The following ADAMTS12 variants were observed in gnomAD, a reference collection of about 807,000 sequenced individuals.
The protein encoded by ADAMTS12 is ADAM metallopeptidase with thrombospondin type 1 motif 12.
ADAMTS12 carries 118 observed loss-of-function variants against 167.8 expected under a neutral mutation model. The ratio of observed to expected loss-of-function variants is 0.70; its 90% CI spans 0.61 to 0.82. The LOEUF (loss-of-function observed/expected upper bound fraction) is 0.82. ADAMTS12 is among the 40% of genes least tolerant of loss of function. The pLI, the probability that ADAMTS12 is intolerant of heterozygous loss-of-function variation, is 0.00. For synonymous variants in ADAMTS12, 704 were observed against 716.9 expected (o/e 0.98, Z 0.29); for missense variants, 1,916 against 1,998.8 (o/e 0.96, Z 0.79).
intron 14 of ADAMTS12, among the ~76,000 whole-genome samples, chr5:33,616,805 A>G (rs1423497196): frequency 2.0e-5 from 3 of 152,236 alleles, no homozygotes; most frequent in East Asian, 1.9e-4. Flanking sequence ...AAAGATAACA[A>G]TCAACTCCAG....
Position 33,753,333 on chromosome 5 carries a change from G to C in ADAMTS12, c.490-1785C>G, listed in dbSNP as rs192491929. On this transcript the variant is annotated intron_variant, in intron 2 of 23. Transcript: ENST00000504830. ...GTCTCTAAGGACAATCTCTGGAACA[G>C]GAAGGAAGAACGGACAAGGCCCAAA... 2.0e-5 allele frequency among the ~76,000 whole-genome samples: 3 copies of C among 152,326 alleles called. No individual in the cohort carries two copies. In the East Asian group the frequency reaches 5.8e-4, roughly 29 times the overall value.
At chr5:33,563,468 C>A (rs572517095) in intron 19 of ADAMTS12, among the ~76,000 whole-genome samples, 2 of 152,276 alleles carry the variant, frequency 1.3e-5, no homozygotes, top group African/African-American at 4.8e-5. Flanking sequence ...GGCTGGCCTG[C>A]TGGAGGATGA....
intron 17 of ADAMTS12, 94 bp from the exon 18 acceptor site, chr5:33,588,903 C>A (rs1460004223): frequency 3.8e-5 from 56 of 1,456,104 alleles, no homozygotes; most frequent in Non-Finnish European, 4.9e-5. Flanking sequence ...ATGCAGATCA[C>A]AGGGCTGGAA....
At chr5:33,756,534 G>C (rs545124777) in intron 2 of ADAMTS12, among the ~76,000 whole-genome samples, 25 of 152,270 alleles carry the variant, frequency 1.6e-4, no homozygotes, top group Non-Finnish European at 2.6e-4. Context: ...GAAAGTATAA[G>C]TCAAGAGATT....
intron 13 of ADAMTS12, among the ~76,000 whole-genome samples, chr5:33,626,288 A>C (rs916815416): frequency 6.8e-6 from 1 of 147,242 alleles, no homozygotes; most frequent in South Asian, 2.2e-4. Context: ...GGTGGTGGTG[A>C]CAGTGATGGT....
intron 18 of ADAMTS12, among the ~76,000 whole-genome samples, chr5:33,581,752 T>G (rs1747075569): frequency 6.6e-6 from 1 of 152,180 alleles, no homozygotes; most frequent in South Asian, 2.1e-4. Flanking sequence ...ATCTCAGAAT[T>G]TGACCTTATT....
intron 3 of ADAMTS12, among the ~76,000 whole-genome samples, chr5:33,694,858 A>G (rs1407159851): frequency 2.0e-5 from 3 of 152,234 alleles, no homozygotes; most frequent in African/African-American, 2.4e-5. Flanking sequence ...TAAGAAAAGT[A>G]TTAACATTAA....
chr5:33,856,874 A>T (rs1382543785), intron 2 of ADAMTS12, among the ~76,000 whole-genome samples: 1 of 152,214 alleles, frequency 6.6e-6, no homozygotes, highest in African/African-American at 2.4e-5. Context: ...AAATTACCAT[A>T]TGATTCAGCA....
In ADAMTS12 at chr5:33,876,204, G is replaced by A. The variant is rs114045095; in HGVS notation, c.489+4915C>T. ...TTCATGGATCACAAGACTTGACATA[G>A]CAAAGATGTCAATTCTTCCCAAACT... is the stretch of plus-strand genomic sequence containing the variant. On this transcript the variant is annotated intron_variant, in intron 2 of 23. Transcript: ENST00000504830. Among the ~76,000 whole-genome samples the A allele has an allele frequency of 2.4e-3, 363 of 152,212 alleles. 3 individuals carry two copies. The highest frequency in any genetic ancestry group is 4.2e-3 in the Non-Finnish European group (287 of 67,988).
In ADAMTS12 at chr5:33,866,227, A is replaced by G. The variant is rs1051165482; in HGVS notation, c.489+14892T>C. On this transcript the variant is annotated intron_variant, in intron 2 of 23. Coordinates refer to ENST00000504830, the MANE Select transcript of ADAMTS12 (RefSeq NM_030955.4). ...GCTATAGATACAAAAAGAGCATGGT[A>G]CTGTTATAAAAATAGATACATAGGC... 5.9e-5 allele frequency among the ~76,000 whole-genome samples: 9 copies of G among 152,312 alleles called. No homozygotes were observed. The South Asian group carries it at 1.7e-3, about 28-fold the overall frequency.
At chr5:33,890,791 T>G (rs1448038618) in intron 1 of ADAMTS12, among the ~76,000 whole-genome samples, 2 of 152,180 alleles carry the variant, frequency 1.3e-5, no homozygotes, top group African/African-American at 4.8e-5. Context: ...CTACCTGAGC[T>G]GAAAACTCTG....
At chr5:33,742,716 C>T (rs2112374710) in intron 3 of ADAMTS12, among the ~76,000 whole-genome samples, 1 of 152,336 alleles carries the variant, frequency 6.6e-6, no homozygotes, top group Middle Eastern at 3.4e-3. Flanking sequence ...CCAAGTTCAA[C>T]AGGATAATCA....
chr5:33,666,474 C>T (rs1741471877), intron 5 of ADAMTS12, among the ~76,000 whole-genome samples: 1 of 151,506 alleles, frequency 6.6e-6, no homozygotes, highest in Non-Finnish European at 1.5e-5. Flanking sequence ...AACACACATT[C>T]AGGTGTATCT....
chr5:33,798,980 G>C (rs1439268220), intron 2 of ADAMTS12, among the ~76,000 whole-genome samples: 1 of 152,132 alleles, frequency 6.6e-6, no homozygotes, highest in East Asian at 1.9e-4. Context: ...GAGACATGAA[G>C]AAAGACAATA....
intron 2 of ADAMTS12, among the ~76,000 whole-genome samples, chr5:33,786,778 A>G (rs1474345761): frequency 6.6e-6 from 1 of 152,126 alleles, no homozygotes; most frequent in Non-Finnish European, 1.5e-5. Flanking sequence ...TCTACGAAAA[A>G]CTATTTTCTG....
chr5:33,866,940 A>T (rs1458955100), intron 2 of ADAMTS12, among the ~76,000 whole-genome samples: 1 of 152,050 alleles, frequency 6.6e-6, no homozygotes, highest in African/African-American at 2.4e-5. Flanking sequence ...TAAAAAAAAA[A>T]TAAATAAATA....
At chr5:33,711,136 C>T (rs1743388754) in intron 3 of ADAMTS12, among the ~76,000 whole-genome samples, 1 of 152,112 alleles carries the variant, frequency 6.6e-6, no homozygotes, top group Non-Finnish European at 1.5e-5. Flanking sequence ...AGCTCGGGAC[C>T]TCAACAATGC....
rs537337507 is a variant in ADAMTS12, at chr5:33,745,914, C to A, written c.634+5490G>T. 5.9e-5 allele frequency among the ~76,000 whole-genome samples: 9 copies of A among 152,228 alleles called. No individual in the cohort carries two copies. In the South Asian group the frequency reaches 1.9e-3, roughly 32 times the overall value. The stretch of plus-strand genomic sequence containing the variant: ...CATTAAGCATTTCCCCAAATTTTCA[C>A]CAACAGTCTTTTCATCCCTCTCGTT... On this transcript the variant is annotated intron_variant, in intron 3 of 23. Coordinates refer to ENST00000504830, the MANE Select transcript of ADAMTS12 (RefSeq NM_030955.4).
At chr5:33,541,176 T>C (rs1287180222) in intron 22 of ADAMTS12, among the ~76,000 whole-genome samples, 1 of 152,174 alleles carries the variant, frequency 6.6e-6, no homozygotes, top group African/African-American at 2.4e-5. Context: ...GCATCAGAAC[T>C]TCGTGACGCA....
Sources: gnomAD v4.1 joint callset for allele counts (sites outside exome capture counted in the v4.1 genomes callset) on GRCh38, gnomAD v4.1.1 for gene constraint, MANE v1.5 for transcripts, NCBI Gene and HGNC (gene_info 2026-07-23, HGNC 2026-07-21) for gene names.